The following MED12L variants were observed in gnomAD, a reference collection of about 807,000 sequenced individuals.
MED12L encodes the protein mediator of RNA polymerase II transcription subunit 12-like protein.
In MED12L, 60 loss-of-function variants were observed where a neutral mutation model predicts 281.3. The observed-to-expected ratio is 0.21, with a 90% CI of 0.17 to 0.26. The LOEUF (loss-of-function observed/expected upper bound fraction) is 0.26, where lower values mean the gene tolerates loss of function less well. Ranked by LOEUF, MED12L falls within the 10% of genes least tolerant of loss-of-function variation. The probability of loss-of-function intolerance (pLI) is 1.00; values close to 1 mark genes in which losing one functional copy is unlikely to be tolerated. For missense variants in MED12L, 2,146 were observed against 2,680.9 expected (o/e 0.80, Z 4.41); for synonymous variants, 974 against 987.2 (o/e 0.99, Z 0.25).
intron 16 of MED12L, chr3:151,295,302 T>C: frequency 1.3e-6 from 1 of 754,406 alleles, no homozygotes. Flanking sequence ...TTTTTGTTAT[T>C]TCAGGTGAAC....
At chr3:151,091,311 T>C (rs746799507) in intron 2 of MED12L, among the ~76,000 whole-genome samples, 11 of 151,558 alleles carry the variant, frequency 7.3e-5, no homozygotes, top group Non-Finnish European at 1.3e-4. Flanking sequence ...TATCCCAGAG[T>C]GGTGGTTCTT....
intron 2 of MED12L, among the ~76,000 whole-genome samples, chr3:151,096,773 A>G (rs1159638383): frequency 6.6e-6 from 1 of 152,256 alleles, no homozygotes; most frequent in African/African-American, 2.4e-5. Context: ...TGGCTTGTCA[A>G]AGCAGATCTG....
At position 151,191,635 on chromosome 3, in the gene MED12L, G is replaced by A. The variant is rs570156384; in HGVS notation, c.1968+704G>A. ...AAAACTGACAGTTTAGCCTGGGCAC[G>A]GTGGCTGATGCCTGTAATCCCAGCA... is the stretch of plus-strand genomic sequence containing the variant. On this transcript the variant is annotated intron_variant, in intron 14 of 44. Transcript: ENST00000687756. 7.9e-5 allele frequency among the ~76,000 whole-genome samples: 12 copies of A among 152,232 alleles called. No individual in the cohort carries two copies. The East Asian group carries it at 2.1e-3, about 27-fold the overall frequency.
chr3:151,280,890 G>GAA (rs1742694764), intron 16 of MED12L, among the ~76,000 whole-genome samples: 1 of 151,786 alleles, frequency 6.6e-6, no homozygotes, highest in South Asian at 2.1e-4. Flanking sequence ...TAGAGCCTCA[G>GAA]AAAATTTAAC....
Position 151,409,238 on chromosome 3 carries a change from T to C in MED12L, c.5821-5T>C. 6.3e-7 allele frequency: 1 copy of C among 1,585,294 alleles called. No homozygotes were observed. Among genetic ancestry groups the C allele is most frequent in the Non-Finnish European group, 8.5e-7 (1 of 1,171,108 alleles). ...TCAAGAGTTTGCTTTGGCTTTGTTT[T>C]CCAGGGCCAGCCGGGGGACCAGGCT... On this transcript the variant is annotated splice_region_variant and splice_polypyrimidine_tract_variant and intron_variant, in intron 39 of 44. Transcript: ENST00000687756.
intron 16 of MED12L, among the ~76,000 whole-genome samples, chr3:151,197,570 G>A (rs1724850385): frequency 6.6e-6 from 1 of 152,182 alleles, no homozygotes; most frequent in Non-Finnish European, 1.5e-5. Flanking sequence ...TGCGAAGTCA[G>A]TGTATCTGTT....
At chr3:151,093,175 A>G (rs1457093850) in intron 2 of MED12L, among the ~76,000 whole-genome samples, 1 of 152,190 alleles carries the variant, frequency 6.6e-6, no homozygotes, top group African/African-American at 2.4e-5. Flanking sequence ...TTGGTGGTGC[A>G]CACCTGCGGT....
chr3:151,091,729 C>T (rs937478252), intron 2 of MED12L, among the ~76,000 whole-genome samples: 3 of 152,184 alleles, frequency 2.0e-5, no homozygotes, highest in Non-Finnish European at 4.4e-5. Context: ...AAATGCAAAC[C>T]CTTTACCTTG....
chr3:151,186,136 GTAAATTA>G (rs1255139447), intron 12 of MED12L, among the ~76,000 whole-genome samples: 1 of 152,194 alleles, frequency 6.6e-6, no homozygotes, highest in African/African-American at 2.4e-5. Context: ...AGCCTTGGAA[GTAAATTA>G]TAAGGGAAAA....
chr3:151,394,959 A>T, intron 39 of MED12L, 92 bp downstream of exon 39: 1 of 1,522,178 alleles, frequency 6.6e-7, no homozygotes, highest in South Asian at 1.2e-5. Context: ...TTCTTTCTGT[A>T]TGCATATCCC....
At chr3:151,411,763 C>T (rs576492543) in intron 41 of MED12L, among the ~76,000 whole-genome samples, 4 of 152,194 alleles carry the variant, frequency 2.6e-5, no homozygotes, top group South Asian at 2.1e-4. Flanking sequence ...ACAGTCTTTA[C>T]GTGATAGTGT....
At chr3:151,248,268 A>C (rs761344809) in intron 16 of MED12L, among the ~76,000 whole-genome samples, 1 of 152,018 alleles carries the variant, frequency 6.6e-6, no homozygotes, top group South Asian at 2.1e-4. Flanking sequence ...TTTAATTCCT[A>C]TTTCTTTCCT....
chr3:151,291,970 A>T (rs563769329), intron 16 of MED12L, among the ~76,000 whole-genome samples: 1 of 152,362 alleles, frequency 6.6e-6, no homozygotes, highest in South Asian at 2.1e-4. Context: ...CACATTAAAC[A>T]TGCCTAGTAA....
At chr3:151,294,531 G>A (rs1291831419) in intron 16 of MED12L, 1 of 1,614,072 alleles carries the variant, frequency 6.2e-7, no homozygotes, top group East Asian at 2.2e-5. Context: ...CTTATGAATT[G>A]CCTGCTGGAT....
At chr3:151,328,496 G>A in intron 16 of MED12L, 3 of 1,614,020 alleles carry the variant, frequency 1.9e-6, no homozygotes, top group South Asian at 1.1e-5. Flanking sequence ...AGACGATGGT[G>A]TTGCTTCCTT....
chr3:151,244,206 A>C (rs1734846468), intron 16 of MED12L, among the ~76,000 whole-genome samples: 1 of 137,000 alleles, frequency 7.3e-6, no homozygotes, highest in Non-Finnish European at 1.6e-5. Flanking sequence ...TAGACAGATC[A>C]ACGAGACAGA....
intron 16 of MED12L, among the ~76,000 whole-genome samples, chr3:151,204,702 G>A (rs757907333): frequency 1.3e-5 from 2 of 152,190 alleles, no homozygotes; most frequent in Non-Finnish European, 2.9e-5. Context: ...GAGATGAAAG[G>A]GAGAGAATTT....
intron 4 of MED12L, 48 bp downstream of exon 4, chr3:151,123,022 T>C: frequency 7.1e-7 from 1 of 1,405,958 alleles, no homozygotes; most frequent in Non-Finnish European, 9.7e-7. Flanking sequence ...TATAATCAGC[T>C]GTTTGGGATA....
At chr3:151,237,045 CT>C (rs56926535) in intron 16 of MED12L, among the ~76,000 whole-genome samples, 3,737 of 125,824 alleles carry the variant, frequency 0.03, 69 homozygotes, top group African/African-American at 0.099. Context: ...TGATGCCAAA[CT>C]TTTTTTTTTT....
Sources: allele counts gnomAD v4.1 joint callset (sites outside exome capture counted in the v4.1 genomes callset), GRCh38; gene constraint gnomAD v4.1.1; transcripts MANE v1.5; gene names NCBI Gene and HGNC (gene_info 2026-07-23, HGNC 2026-07-21).